NLGN1: variants seen among roughly 807,000 people sequenced by gnomAD.
NLGN1 encodes neuroligin-1.
NLGN1 carries 12 observed loss-of-function variants against 65.5 expected under a neutral mutation model. The ratio of observed to expected loss-of-function variants is 0.18; its 90% CI spans 0.12 to 0.30. NLGN1 has a LOEUF of 0.30. NLGN1 is among the 10% of genes least tolerant of loss of function. NLGN1 has a pLI of 1.00. For missense variants in NLGN1, 750 were observed against 1,007.1 expected, an observed-to-expected ratio of 0.74 and a Z score of 3.46; for synonymous variants, 350 against 359.5, an observed-to-expected ratio of 0.97 and a Z score of 0.30.
At chr3:173,641,577 C>A (rs1217327812) in intron 3 of NLGN1, among the ~76,000 whole-genome samples, 3 of 152,220 alleles carry the variant, frequency 2.0e-5, no homozygotes, top group African/African-American at 7.2e-5. Flanking sequence ...AGGCATGAGC[C>A]ACTGTGCCTG....
intron 3 of NLGN1, among the ~76,000 whole-genome samples, chr3:173,631,677 T>C (rs1231950049): frequency 6.6e-6 from 1 of 152,134 alleles, no homozygotes; most frequent in African/African-American, 2.4e-5. Flanking sequence ...GTAAATCTAG[T>C]CCAACAAAGT....
intron 2 of NLGN1, among the ~76,000 whole-genome samples, chr3:173,449,004 A>G (rs935422507): frequency 6.6e-6 from 1 of 151,952 alleles, no homozygotes; most frequent in Non-Finnish European, 1.5e-5. Flanking sequence ...TGATCTTTTC[A>G]AAAAACCGGC....
intron 3 of NLGN1, among the ~76,000 whole-genome samples, chr3:173,788,459 G>T (rs75835440): frequency 6.6e-6 from 1 of 151,404 alleles, no homozygotes. Context: ...AATATTTATT[G>T]TGTCCTCAAC....
chr3:173,987,559 C>T (rs914724025), intron 4 of NLGN1, among the ~76,000 whole-genome samples: 9 of 152,162 alleles, frequency 5.9e-5, no homozygotes, highest in East Asian at 5.8e-4. Context: ...AAATTAGAGC[C>T]ACTTTTTTCT....
intron 4 of NLGN1, among the ~76,000 whole-genome samples, chr3:173,892,675 A>G (rs961948797): frequency 1.3e-5 from 2 of 148,516 alleles, no homozygotes; most frequent in East Asian, 1.9e-4. Flanking sequence ...ATGATATCCA[A>G]TTGCCAGACA....
At chr3:174,043,353 A>T (rs1257704383) in intron 4 of NLGN1, among the ~76,000 whole-genome samples, 1 of 152,170 alleles carries the variant, frequency 6.6e-6, no homozygotes, top group South Asian at 2.1e-4. Flanking sequence ...GCACTAACTC[A>T]AAAGTCCAAG....
chr3:173,488,263 A>G (rs1048986731), intron 2 of NLGN1, among the ~76,000 whole-genome samples: 1 of 152,004 alleles, frequency 6.6e-6, no homozygotes, highest in African/African-American at 2.4e-5. Flanking sequence ...TACTACTTTG[A>G]TTTGTTTTAG....
chr3:173,806,874 G>A lies in NLGN1; in HGVS notation c.494-806G>A, dbSNP rs551590196. ...TCTTGACACTTTACACTTGAACTTA[G>A]CTCTATCCCATCCCATGTCTACATG... is the stretch of plus-strand genomic sequence containing the variant. On this transcript the variant is annotated intron_variant, in intron 3 of 6. Transcript: ENST00000457714. 1.4e-4 allele frequency among the ~76,000 whole-genome samples: 22 copies of A among 152,214 alleles called. No homozygotes were observed. The South Asian group carries it at 3.9e-3, about 27-fold the overall frequency.
At chr3:174,065,673 A>G (rs1738378956) in intron 4 of NLGN1, among the ~76,000 whole-genome samples, 1 of 152,044 alleles carries the variant, frequency 6.6e-6, no homozygotes, top group Non-Finnish European at 1.5e-5. Flanking sequence ...AGTGAATAGA[A>G]TATGTTAAAA....
In NLGN1 at chr3:173,698,231, A is replaced by G. The variant is rs992089660; in HGVS notation, c.493+93140A>G. On this transcript the variant is annotated intron_variant, in intron 3 of 6. Transcript: ENST00000457714. The stretch of plus-strand genomic sequence containing the variant: ...ATTAGACACTCAATAAATGAATTTG[A>G]TGATAATGCTTATGGTATTTTTTCC... 1.2e-4 allele frequency among the ~76,000 whole-genome samples: 19 copies of G among 152,304 alleles called. No individual in the cohort carries two copies. In the East Asian group the frequency reaches 3.7e-3, roughly 29 times the overall value.
intron 2 of NLGN1, among the ~76,000 whole-genome samples, chr3:173,469,454 A>G (rs987969869): frequency 1.3e-5 from 2 of 152,044 alleles, no homozygotes; most frequent in Admixed American, 6.6e-5. Flanking sequence ...AGGCCATTGC[A>G]TATTTAGTTG....
chr3:174,145,233 G>A (rs1722989521), intron 4 of NLGN1, among the ~76,000 whole-genome samples: 2 of 151,974 alleles, frequency 1.3e-5, no homozygotes, highest in South Asian at 2.1e-4. Flanking sequence ...TAAGACAGAC[G>A]GTCAGGAACA....
In NLGN1 at chr3:173,839,567, C is replaced by T. The variant is rs544525659; in HGVS notation, c.646+31735C>T. The stretch of plus-strand genomic sequence containing the variant: ...CCTCCCGAGTAGCTGGGACTACAGG[C>T]ATGCGCCATCACGCCCGGCTAATTT... On this transcript the variant is annotated intron_variant, in intron 4 of 6. Transcript: ENST00000457714. 3.9e-5 allele frequency among the ~76,000 whole-genome samples: 6 copies of T among 152,152 alleles called. No homozygotes were observed. In the South Asian group the frequency reaches 1.2e-3, roughly 32 times the overall value.
At chr3:174,195,968 G>A (rs941543113) in intron 4 of NLGN1, among the ~76,000 whole-genome samples, 1 of 152,062 alleles carries the variant, frequency 6.6e-6, no homozygotes, top group Non-Finnish European at 1.5e-5. Context: ...TGGAGTCCCC[G>A]GGCTCCTTAA....
intron 4 of NLGN1, among the ~76,000 whole-genome samples, chr3:174,137,556 A>T (rs775529148): frequency 3.3e-5 from 5 of 152,278 alleles, no homozygotes; most frequent in Non-Finnish European, 5.9e-5. Context: ...GGAAATCTCA[A>T]ATAAGGTCAT....
At chr3:173,852,418 A>C (rs1727160816) in intron 4 of NLGN1, among the ~76,000 whole-genome samples, 1 of 150,112 alleles carries the variant, frequency 6.7e-6, no homozygotes, top group Non-Finnish European at 1.5e-5. Context: ...GGAAAATAAA[A>C]GCTGCCATGG....
intron 4 of NLGN1, among the ~76,000 whole-genome samples, chr3:173,961,654 G>A (rs1055418369): frequency 2.0e-5 from 3 of 152,054 alleles, no homozygotes; most frequent in Non-Finnish European, 4.4e-5. Context: ...CATATGAGAA[G>A]ACAGAAGACT....
chr3:174,048,512 G>C (rs992171976), intron 4 of NLGN1, among the ~76,000 whole-genome samples: 1 of 151,844 alleles, frequency 6.6e-6, no homozygotes, highest in Non-Finnish European at 1.5e-5. Context: ...TGGAAACAAG[G>C]CCGCAGATAA....
chr3:173,887,272 T>C (rs928369178), intron 4 of NLGN1, among the ~76,000 whole-genome samples: 4 of 152,032 alleles, frequency 2.6e-5, no homozygotes, highest in Non-Finnish European at 5.9e-5. Context: ...TACCTATATT[T>C]CTTGGATCAC....
Sources: gnomAD v4.1 joint callset for allele counts (sites outside exome capture counted in the v4.1 genomes callset) on GRCh38, gnomAD v4.1.1 for gene constraint, MANE v1.5 for transcripts, NCBI Gene and HGNC (gene_info 2026-07-23, HGNC 2026-07-21) for gene names.